MACROD2: variants seen among roughly 807,000 people sequenced by gnomAD.
MACROD2 encodes the protein mono-ADP ribosylhydrolase 2.
MACROD2 carries 36 observed loss-of-function variants against 70.4 expected under a neutral mutation model. That is an observed-to-expected ratio of 0.51 (90% confidence interval 0.39 to 0.68). The LOEUF (loss-of-function observed/expected upper bound fraction) is 0.68, where lower values mean the gene tolerates loss of function less well. Ranked by LOEUF, MACROD2 falls within the 30% of genes least tolerant of loss-of-function variation. The pLI is 0.00. For synonymous variants in MACROD2, 172 were observed against 178.8 expected (o/e 0.96, Z 0.30); for missense variants, 496 against 538.4 (o/e 0.92, Z 0.78).
At chr20:15,954,413 A>C (rs558126273) in intron 12 of MACROD2, among the ~76,000 whole-genome samples, 1 of 152,182 alleles carries the variant, frequency 6.6e-6, no homozygotes, top group Non-Finnish European at 1.5e-5. Context: ...CCTCCATCTC[A>C]GCCTCCTATG....
intron 9 of MACROD2, among the ~76,000 whole-genome samples, chr20:15,874,277 G>A (rs2147187299): frequency 6.6e-6 from 1 of 152,138 alleles, no homozygotes; most frequent in Admixed American, 6.5e-5. Context: ...GTATTCCATG[G>A]TGTATATGTG....
At chr20:15,951,452 A>G (rs946887405) in intron 12 of MACROD2, among the ~76,000 whole-genome samples, 1 of 152,072 alleles carries the variant, frequency 6.6e-6, no homozygotes, top group Non-Finnish European at 1.5e-5. Flanking sequence ...GCAAGACTGG[A>G]ACATTTTTTA....
chr20:14,144,176 T>A (rs1386843748), intron 3 of MACROD2, among the ~76,000 whole-genome samples: 1 of 152,170 alleles, frequency 6.6e-6, no homozygotes, highest in Non-Finnish European at 1.5e-5. Flanking sequence ...ATAATTGGAA[T>A]GCATATAAAG....
At position 15,339,866 on chromosome 20, in the gene MACROD2, T is replaced by G. The variant is rs187954520; in HGVS notation, c.541-91539T>G. Among the ~76,000 whole-genome samples the G allele has an allele frequency of 6.1e-4, 93 of 151,680 alleles. 4 individuals carry two copies. The highest frequency in any genetic ancestry group is 2.2e-3 in the African/African-American group (90 of 41,046). On this transcript the variant is annotated intron_variant, in intron 6 of 17. Coordinates refer to ENST00000684519, the MANE Select transcript of MACROD2 (RefSeq NM_001351661.2). ...GATTCAAAACCAAAAAAAGAATATG[T>G]CCTGTAATATCTTTTCCATTGCAAT...
chr20:15,447,667 C>T (rs540020437), intron 7 of MACROD2, among the ~76,000 whole-genome samples: 11 of 152,148 alleles, frequency 7.2e-5, no homozygotes, highest in Admixed American at 2.6e-4. Flanking sequence ...ACAAACTGAC[C>T]TTGACCTTTT....
At chr20:15,796,294 C>T (rs565423110) in intron 8 of MACROD2, among the ~76,000 whole-genome samples, 8 of 152,304 alleles carry the variant, frequency 5.3e-5, no homozygotes, top group East Asian at 1.9e-4. Context: ...CCTGCTAAGA[C>T]GCAAGGCAGA....
At chr20:14,080,544 T>C (rs2053978166) in intron 2 of MACROD2, among the ~76,000 whole-genome samples, 2 of 151,924 alleles carry the variant, frequency 1.3e-5, no homozygotes, top group South Asian at 4.1e-4. Context: ...GCTGCAATTA[T>C]GTAAATAACC....
intron 9 of MACROD2, among the ~76,000 whole-genome samples, chr20:15,881,808 G>C (rs1401441903): frequency 6.6e-6 from 1 of 152,092 alleles, no homozygotes; most frequent in African/African-American, 2.4e-5. Flanking sequence ...TCCTTCCAAA[G>C]TTGGCTTGGG....
intron 10 of MACROD2, among the ~76,000 whole-genome samples, chr20:15,920,513 A>G (rs2065387736): frequency 6.6e-6 from 1 of 152,202 alleles, no homozygotes; most frequent in African/African-American, 2.4e-5. Context: ...CTACTGGGCT[A>G]ATTTTTTTTC....
At chr20:14,736,809 T>G (rs1283953330) in intron 5 of MACROD2, among the ~76,000 whole-genome samples, 1 of 152,162 alleles carries the variant, frequency 6.6e-6, no homozygotes, top group Non-Finnish European at 1.5e-5. Flanking sequence ...TTGGTCTGTT[T>G]CCGAAGCCAA....
At chr20:14,227,557 C>G (rs563313731) in intron 3 of MACROD2, among the ~76,000 whole-genome samples, 39 of 152,240 alleles carry the variant, frequency 2.6e-4, no homozygotes, top group Non-Finnish European at 1.5e-5. Flanking sequence ...CATGCACCCA[C>G]CAGAAGGAAG....
At chr20:16,044,542 T>A (rs1385257951) in intron 16 of MACROD2, 29 bp from the exon 17 acceptor site, 2 of 1,592,910 alleles carry the variant, frequency 1.3e-6, no homozygotes, top group Non-Finnish European at 1.7e-6. Flanking sequence ...TTAATGAATA[T>A]TTAACTTTTT....
At chr20:15,127,090 T>G (rs1355786521) in intron 5 of MACROD2, among the ~76,000 whole-genome samples, 1 of 152,160 alleles carries the variant, frequency 6.6e-6, no homozygotes, top group African/African-American at 2.4e-5. Context: ...AAAGCCTTTT[T>G]GTTTCCAAAG....
intron 5 of MACROD2, among the ~76,000 whole-genome samples, chr20:14,942,698 T>A (rs2074400321): frequency 6.6e-6 from 1 of 152,204 alleles, no homozygotes; most frequent in African/African-American, 2.4e-5. Context: ...ACATGATTTT[T>A]AAAAGGCTTA....
chr20:14,803,827 T>C (rs1159047464), intron 5 of MACROD2, among the ~76,000 whole-genome samples: 1 of 152,086 alleles, frequency 6.6e-6, no homozygotes, highest in Non-Finnish European at 1.5e-5. Context: ...ATATAACTGT[T>C]ACTGTCACTT....
At chr20:14,553,279 C>T (rs1978786536) in intron 4 of MACROD2, among the ~76,000 whole-genome samples, 1 of 151,872 alleles carries the variant, frequency 6.6e-6, no homozygotes, top group Non-Finnish European at 1.5e-5. Context: ...CTGTCTTCCA[C>T]CTCCACATCT....
At chr20:15,277,814 G>T (rs1284790827) in intron 6 of MACROD2, among the ~76,000 whole-genome samples, 1 of 152,200 alleles carries the variant, frequency 6.6e-6, no homozygotes, top group Non-Finnish European at 1.5e-5. Flanking sequence ...AAGAAAGGGA[G>T]AGAGGGAGGA....
chr20:14,757,986 G>A, intron 5 of MACROD2: 5 of 819,202 alleles, frequency 6.1e-6, no homozygotes, highest in East Asian at 4.9e-5. Flanking sequence ...GCCGAGGCTG[G>A]GACTGGGTCA....
intron 6 of MACROD2, among the ~76,000 whole-genome samples, chr20:15,233,966 T>TA (rs1491584304): frequency 0.029 from 1,418 of 49,242 alleles, 57 homozygotes; most frequent in Middle Eastern, 0.042. Flanking sequence ...AAAAAATTTA[T>TA]TTTTATATAT....
Sources: allele counts gnomAD v4.1 joint callset (sites outside exome capture counted in the v4.1 genomes callset), GRCh38; gene constraint gnomAD v4.1.1; transcripts MANE v1.5; gene names NCBI Gene and HGNC (gene_info 2026-07-23, HGNC 2026-07-21).